GLMN: variants seen among roughly 807,000 people sequenced by gnomAD.
The protein encoded by GLMN is glomulin.
GLMN carries 75 observed loss-of-function variants against 87.8 expected under a neutral mutation model. That is an observed-to-expected ratio of 0.85 (90% confidence interval 0.71 to 1.04). The LOEUF is 1.04. GLMN is among the 50% of genes least tolerant of loss of function. The pLI is 0.00. For missense variants in GLMN, 588 were observed against 658.8 expected, an observed-to-expected ratio of 0.89 and a Z score of 1.18; for synonymous variants, 206 against 221.6, an observed-to-expected ratio of 0.93 and a Z score of 0.63.
At position 92,298,972 on chromosome 1, in the gene GLMN, C is replaced by A; in HGVS notation, c.-78G>T. 1.8e-6 allele frequency: 1 copy of A among 544,230 alleles called. No individual in the cohort carries two copies. Among genetic ancestry groups the A allele is most frequent in the Non-Finnish European group, 3.2e-6 (1 of 312,632 alleles). The allele number at this position is 544,230 out of a possible 1,614,324, so 33.7% of individuals were successfully genotyped here. A position where few individuals can be genotyped will look rare whatever the true frequency, so the allele number is the denominator to read the frequency against. Reference sequence around the variant, plus strand: ...CAGCCGCCGCCACCTCCTCCGGCGTCTTAGCCCGCTCTTCTGGCCCCGCCC... The same window carrying A: ...CAGCCGCCGCCACCTCCTCCGGCGTATTAGCCCGCTCTTCTGGCCCCGCCC... On this transcript the variant is annotated 5_prime_UTR_variant, in exon 1 of 19. Coordinates refer to ENST00000370360, the MANE Select transcript of GLMN (RefSeq NM_053274.3).
chr1:92,362,602 G>T, the GLMN span, among the ~76,000 whole-genome samples: 3 of 152,150 alleles, frequency 2.0e-5, no homozygotes, highest in Admixed American at 2.0e-4. Context: ...AAAATTCCGA[G>T]TGCAGCAAAA....
At chr1:92,330,439 ATTTTTTT>A in the GLMN span, among the ~76,000 whole-genome samples, 2 of 61,450 alleles carry the variant, frequency 3.3e-5, no homozygotes, top group Admixed American at 2.4e-4. Flanking sequence ...TGGGTTGTCA[ATTTTTTT>A]TTTTTTTTTT....
the GLMN span, chr1:92,324,479 T>A: frequency 1.2e-6 from 1 of 835,796 alleles, no homozygotes; most frequent in Non-Finnish European, 1.8e-6. Context: ...ATTGTTAAAT[T>A]TTCAAATAGT....
the GLMN span, among the ~76,000 whole-genome samples, chr1:92,352,775 G>T: frequency 6.6e-6 from 1 of 152,070 alleles, no homozygotes; most frequent in African/African-American, 2.4e-5. Context: ...TCACTGTGTT[G>T]TACAACTATC....
intron 16 of GLMN, among the ~76,000 whole-genome samples, chr1:92,255,083 GA>G (rs543661361): frequency 2.0e-3 from 268 of 135,810 alleles, no homozygotes; most frequent in African/African-American, 5.7e-3. Flanking sequence ...CAAACGGAAA[GA>G]AAAAAAAAAA....
chr1:92,255,653 T>C (rs1207633599), intron 16 of GLMN, among the ~76,000 whole-genome samples: 3 of 152,178 alleles, frequency 2.0e-5, no homozygotes, highest in African/African-American at 7.2e-5. Flanking sequence ...AACCTGCTCC[T>C]GAATGACTAC....
At chr1:92,280,029 A>G (rs1647811211) in intron 7 of GLMN, among the ~76,000 whole-genome samples, 1 of 152,224 alleles carries the variant, frequency 6.6e-6, no homozygotes, top group Non-Finnish European at 1.5e-5. Context: ...ACCTCTGGGG[A>G]CGGCACAGTA....
At chr1:92,305,896 CTT>C in the GLMN span, among the ~76,000 whole-genome samples, 2 of 152,244 alleles carry the variant, frequency 1.3e-5, no homozygotes, top group East Asian at 3.9e-4. Context: ...CTGGTGAAGT[CTT>C]TGCACATTCT....
chr1:92,257,777 C>A (rs1654456810), intron 16 of GLMN, among the ~76,000 whole-genome samples: 1 of 152,030 alleles, frequency 6.6e-6, no homozygotes, highest in African/African-American at 2.4e-5. Context: ...AACATAAAAT[C>A]TAAAACCATA....
At chr1:92,323,851 G>A in the GLMN span, 2 of 1,613,874 alleles carry the variant, frequency 1.2e-6, no homozygotes, top group Non-Finnish European at 1.7e-6. Flanking sequence ...AAGATTAAAA[G>A]CGTCAGAAAA....
At chr1:92,322,753 T>C in the GLMN span, among the ~76,000 whole-genome samples, 1 of 151,374 alleles carries the variant, frequency 6.6e-6, no homozygotes, top group African/African-American at 2.4e-5. Flanking sequence ...GGTGCCCACG[T>C]GTAATCCCAG....
At chr1:92,261,158 A>T (rs1221820567) in intron 16 of GLMN, among the ~76,000 whole-genome samples, 2 of 152,232 alleles carry the variant, frequency 1.3e-5, no homozygotes, top group Non-Finnish European at 2.9e-5. Context: ...TTCAATTTTT[A>T]TCACAAGCTC....
At chr1:92,269,609 A>G (rs1187161142) in intron 9 of GLMN, 114 bp downstream of exon 9, 3 of 759,386 alleles carry the variant, frequency 4.0e-6, no homozygotes, top group Non-Finnish European at 7.1e-6. Context: ...TGTTTTATAA[A>G]ATAACCAATT....
intron 13 of GLMN, among the ~76,000 whole-genome samples, chr1:92,265,397 C>T (rs577221673): frequency 1.3e-4 from 19 of 150,422 alleles, no homozygotes; most frequent in Non-Finnish European, 2.7e-4. Context: ...ACACATAGAA[C>T]AGAACAGGAA....
At chr1:92,345,973 A>T in the GLMN span, 2 of 1,177,324 alleles carry the variant, frequency 1.7e-6, no homozygotes, top group Non-Finnish European at 1.2e-6. Flanking sequence ...TTGATTAGGG[A>T]AAAACAAAGT....
At chr1:92,336,478 T>A in the GLMN span, 1 of 1,278,172 alleles carries the variant, frequency 7.8e-7, no homozygotes, top group Admixed American at 1.8e-5. Context: ...ACTTTATTTA[T>A]TGCCTTGCAG....
chr1:92,263,037 C>A, intron 15 of GLMN, 111 bp from the exon 16 acceptor site: 1 of 566,864 alleles, frequency 1.8e-6, no homozygotes, highest in South Asian at 2.0e-5. Flanking sequence ...CCAATAGAAA[C>A]TATTTCCATT....
At chr1:92,247,168 G>C (rs1385084106) in intron 17 of GLMN, 24 bp from the exon 18 acceptor site, 1 of 1,099,692 alleles carries the variant, frequency 9.1e-7, no homozygotes, top group Non-Finnish European at 1.4e-6. Flanking sequence ...AAAATCATGT[G>C]TGACACTTAA....
chr1:92,353,087 T>C, the GLMN span, among the ~76,000 whole-genome samples: 2 of 152,230 alleles, frequency 1.3e-5, no homozygotes, highest in East Asian at 3.8e-4. Context: ...TGTTTATTCA[T>C]CAGTTGACAA....
Sources: allele counts gnomAD v4.1 joint callset (sites outside exome capture counted in the v4.1 genomes callset), GRCh38; gene constraint gnomAD v4.1.1; transcripts MANE v1.5; gene names NCBI Gene and HGNC (gene_info 2026-07-23, HGNC 2026-07-21).